COL27A1: variants seen among roughly 807,000 people sequenced by gnomAD.
COL27A1 encodes the protein collagen type XXVII alpha 1 chain, also known as collagen alpha-1(XXVII) chain.
A neutral mutation model predicts 251.3 loss-of-function variants in COL27A1; 106 were observed. The ratio of observed to expected loss-of-function variants is 0.42; its 90% CI spans 0.36 to 0.50. The LOEUF (loss-of-function observed/expected upper bound fraction) is 0.50. Among genes scored for constraint, COL27A1 ranks in the 20% least tolerant of loss-of-function variants. COL27A1 has a pLI of 0.00. For synonymous variants in COL27A1, 1,000 were observed against 986.3 expected (o/e 1.01, Z -0.26); for missense variants, 2,325 against 2,522.8 (o/e 0.92, Z 1.68).
rs1399922568 is a variant in COL27A1 at position 114,282,274 on chromosome 9, C to G, written c.3718-3C>G. 16 of 1,613,478 alleles carry G rather than the reference C, an allele frequency of 9.9e-6. No homozygotes were observed. The highest frequency in any genetic ancestry group is 1.3e-5 in the Non-Finnish European group (15 of 1,179,574). On this transcript the variant is annotated splice_polypyrimidine_tract_variant and splice_region_variant and intron_variant, in intron 37 of 60. Transcript: ENST00000356083. ...TCTTGCTCTGTCCCTCCTCTCTCTTCAGGGTCCTGAAGGAAAATCAGGGAA... is the reference window on the plus strand; with the variant it reads ...TCTTGCTCTGTCCCTCCTCTCTCTTGAGGGTCCTGAAGGAAAATCAGGGAA...
chr9:114,234,117 A>G (rs1466072920), intron 16 of COL27A1, among the ~76,000 whole-genome samples: 1 of 151,506 alleles, frequency 6.6e-6, no homozygotes, highest in African/African-American at 2.4e-5. Context: ...GCTCCCTTCA[A>G]ATTCATTGTC....
chr9:114,171,008 G>A (rs1849278610), intron 3 of COL27A1, among the ~76,000 whole-genome samples: 1 of 152,252 alleles, frequency 6.6e-6, no homozygotes, highest in African/African-American at 2.4e-5. Flanking sequence ...AAGAATTTGT[G>A]TGGTGTGGAG....
chr9:114,266,738 A>T, intron 33 of COL27A1, 120 bp downstream of exon 33: 1 of 900,322 alleles, frequency 1.1e-6, no homozygotes, highest in Non-Finnish European at 1.8e-6. Flanking sequence ...GGAGATGGTC[A>T]TGTACCGTGT....
Position 114,155,858 on chromosome 9 carries a change from C to T in COL27A1, c.-93C>T, listed in dbSNP as rs1002422734. 171 of 1,003,750 alleles carry T rather than the reference C, an allele frequency of 1.7e-4. 1 individual carries two copies. The African/African-American group carries it at 2.7e-3, about 16-fold the overall frequency. 62.2% of individuals were successfully genotyped at this position (1,003,750 alleles called of 1,614,324 possible). On this transcript the variant is annotated 5_prime_UTR_variant, in exon 1 of 61. Coordinates refer to ENST00000356083, the MANE Select transcript of COL27A1 (RefSeq NM_032888.4). The surrounding 1 kb of genome is among the most constrained non-coding windows in gnomAD (Gnocchi z 5.5). ...GGGCGCGGGGGCCGCGCGCTCTAAG[C>T]CGGCCTGGCGCGGCGGGGCGGGGGG...
At chr9:114,157,102 A>G (rs553569809) in intron 1 of COL27A1, among the ~76,000 whole-genome samples, 8,630 of 128,270 alleles carry the variant, frequency 0.067, 362 homozygotes, top group South Asian at 0.13. Flanking sequence ...ACACACACAC[A>G]CATACGCGCG....
chr9:114,168,300 C>G lies in COL27A1; in HGVS notation c.745C>G (p.Leu249Val), dbSNP rs1221270352. Residue 249 changes from leucine to valine, a missense_variant, in exon 3 of 61, where the codon CTC (leucine) becomes GTC (valine). Physicochemically the swap from Leu to Val is conservative, Grantham distance 32 (BLOSUM62 1). Around this residue, in one of 4 missense-constraint regions of COL27A1, gnomAD observed 1,183 missense variants for 1,144.1 expected, o/e 1.03. Transcript: ENST00000356083. ...CACGTACCAGTCCCCACTGGGACCT[C>G]TCTTCTCCCAAGACTCTGGCAGACC... The part of the protein sequence containing the change: ...ADTYQSPLGP[L>V]FSQDSGRPFT... 6 of 1,613,402 alleles carry G rather than the reference C, an allele frequency of 3.7e-6. No individual in the cohort carries two copies. Among genetic ancestry groups the G allele is most frequent in the Non-Finnish European group, 4.2e-6 (5 of 1,180,022 alleles).
chr9:114,226,552 G>C (rs565645711), intron 14 of COL27A1, among the ~76,000 whole-genome samples: 44 of 152,310 alleles, frequency 2.9e-4, no homozygotes, highest in South Asian at 2.5e-3. Flanking sequence ...AACAGAGATA[G>C]CGTGTATGTG....
intron 25 of COL27A1, among the ~76,000 whole-genome samples, chr9:114,251,259 G>A (rs117242588): frequency 5.7e-4 from 87 of 152,272 alleles, no homozygotes; most frequent in Admixed American, 1.0e-3. Context: ...CCCTCTGGGA[G>A]AACCAATATT....
chr9:114,286,706 C>T (rs942239636), intron 41 of COL27A1, among the ~76,000 whole-genome samples: 8 of 151,996 alleles, frequency 5.3e-5, no homozygotes, highest in Admixed American at 2.6e-4. Context: ...CAAACCTGCA[C>T]GTTGTGCACA....
chr9:114,206,426 A>G, intron 10 of COL27A1, 130 bp downstream of exon 10: 1 of 895,892 alleles, frequency 1.1e-6, no homozygotes, highest in Non-Finnish European at 1.8e-6. Flanking sequence ...GCTCCCGGAC[A>G]ACAGAGGGGC....
At chr9:114,296,878 T>G (rs1379084144) in intron 49 of COL27A1, among the ~76,000 whole-genome samples, 2 of 152,250 alleles carry the variant, frequency 1.3e-5, no homozygotes, top group Non-Finnish European at 2.9e-5. Context: ...GTAAATGGAT[T>G]GAACTATTAA....
intron 5 of COL27A1, among the ~76,000 whole-genome samples, chr9:114,185,240 T>G (rs1027083244): frequency 1.3e-5 from 2 of 152,240 alleles, no homozygotes; most frequent in Non-Finnish European, 2.9e-5. Flanking sequence ...CAGGGCCTCA[T>G]GGACAGGACT....
Position 114,288,755 on chromosome 9 carries a change from T to A in COL27A1, c.4098T>A (p.Pro1366=). 6.2e-7 allele frequency: 1 copy of A among 1,610,126 alleles called. No individual in the cohort carries two copies. Among genetic ancestry groups the A allele is most frequent in the Non-Finnish European group, 8.5e-7 (1 of 1,176,868 alleles). The change falls in exon 43 of 61, where the codon CCT becomes CCA. Residue 1366 remains proline, a splice_region_variant and synonymous_variant. Transcript: ENST00000356083. ...DRGEPGDPGY[P]GQEGVQGLRG... ...GGGAACCGGGAGACCCTGGGTACCC[T>A]GTAAGTATCAGAGCTCCTACCTGCT...
At position 114,290,029 on chromosome 9, in the gene COL27A1, C is replaced by G. The variant is rs763406032; in HGVS notation, c.4207-29C>G. On this transcript the variant is annotated intron_variant, in intron 45 of 60. Coordinates refer to ENST00000356083, the MANE Select transcript of COL27A1 (RefSeq NM_032888.4). This position sits in a 1 kb window ranked among gnomAD's most constrained non-coding sequence, Gnocchi z 4.6. ...AGGGTCCCACACCTCTACCAGGCAG[C>G]CTCCATCATGTGGCCCTTGATTTTT... 1.2e-6 allele frequency: 2 copies of G among 1,611,302 alleles called. No homozygotes were observed. The highest frequency in any genetic ancestry group is 2.7e-5 in the African/African-American group (2 of 74,954).
chr9:114,206,736 C>G (rs1455714437), intron 10 of COL27A1, among the ~76,000 whole-genome samples: 1 of 152,198 alleles, frequency 6.6e-6, no homozygotes, highest in Non-Finnish European at 1.5e-5. Context: ...AAGCCTGCAG[C>G]CTGGTGGAGT....
At chr9:114,282,778 A>G (rs766462725) in intron 39 of COL27A1, among the ~76,000 whole-genome samples, 20 of 152,222 alleles carry the variant, frequency 1.3e-4, no homozygotes, top group Non-Finnish European at 2.2e-4. Context: ...AGTATACACC[A>G]CACAGAATAC....
At chr9:114,206,402 C>T (rs1829969599) in intron 10 of COL27A1, 106 bp downstream of exon 10, 1 of 1,162,348 alleles carries the variant, frequency 8.6e-7, no homozygotes, top group Non-Finnish European at 1.3e-6. Flanking sequence ...GAGCCAAGGC[C>T]CTCCCACTTG....
At chr9:114,200,613 T>G (rs1462468323) in intron 7 of COL27A1, among the ~76,000 whole-genome samples, 1 of 152,238 alleles carries the variant, frequency 6.6e-6, no homozygotes, top group African/African-American at 2.4e-5. Flanking sequence ...TGTGCCATGA[T>G]GGACTGTGCT....
At chr9:114,271,016 TC>T in intron 36 of COL27A1, 1 of 515,896 alleles carries the variant, frequency 1.9e-6, no homozygotes. Context: ...TTCCAGTCTT[TC>T]CTGCTACCCT....
Sources: gnomAD v4.1 joint callset for allele counts (sites outside exome capture counted in the v4.1 genomes callset) on GRCh38, gnomAD v4.1.1 for gene constraint, gnomAD v4.1.1 regional missense constraint, Gnocchi (gnomAD v3.1) non-coding constraint, MANE v1.5 for transcripts, NCBI Gene and HGNC (gene_info 2026-07-23, HGNC 2026-07-21) for gene names.